Variants in LRTM3 observed in about 807,000 individuals in gnomAD.
LRTM3 encodes the protein leucine-rich repeat transmembrane protein 3.
At chr13:102,730,704 G>A in the LRTM3 span, 1 of 1,551,958 alleles carries the variant, frequency 6.4e-7, no homozygotes, top group Non-Finnish European at 8.7e-7. Flanking sequence ...TCAATGGAAA[G>A]ACTACCACTT....
the LRTM3 span, among the ~76,000 whole-genome samples, chr13:102,758,110 A>G: frequency 1.2e-4 from 18 of 152,308 alleles, no homozygotes; most frequent in Admixed American, 5.9e-4. Flanking sequence ...GTTGAAATAT[A>G]AGAACTGGTG....
the LRTM3 span, chr13:102,731,399 G>T: frequency 6.4e-7 from 1 of 1,551,360 alleles, no homozygotes; most frequent in Non-Finnish European, 8.7e-7. Flanking sequence ...TGCCATCTCT[G>T]GTATCAGATT....
At chr13:102,743,802 T>A in the LRTM3 span, 2 of 1,550,490 alleles carry the variant, frequency 1.3e-6, no homozygotes, top group Non-Finnish European at 1.7e-6. Flanking sequence ...TTTTCCTTCA[T>A]AGTTAAACAT....
the LRTM3 span, chr13:102,730,951 C>G: frequency 6.4e-7 from 1 of 1,551,372 alleles, no homozygotes; most frequent in South Asian, 1.2e-5. Flanking sequence ...ATAAGGGTTT[C>G]TTTCTCTCAT....
chr13:102,741,211 T>C, the LRTM3 span: 1 of 1,550,090 alleles, frequency 6.5e-7, no homozygotes. Flanking sequence ...TTGATTTTAA[T>C]GTAATATCCA....
At chr13:102,744,473 C>T in the LRTM3 span, 2 of 1,550,636 alleles carry the variant, frequency 1.3e-6, no homozygotes, top group African/African-American at 1.4e-5. Flanking sequence ...AGTCTTTAGA[C>T]CTTCCATACA....
the LRTM3 span, chr13:102,739,510 TG>T: frequency 6.4e-7 from 1 of 1,550,388 alleles, no homozygotes; most frequent in Admixed American, 2.0e-5. Context: ...GTGATAGAGA[TG>T]GTAAAGAAGT....
the LRTM3 span, chr13:102,740,306 GA>G: frequency 6.5e-7 from 1 of 1,550,194 alleles, no homozygotes; most frequent in Non-Finnish European, 8.7e-7. Context: ...CTGCCTTGGA[GA>G]AATCAAGGGC....
chr13:102,736,001 C>T, the LRTM3 span: 45 of 1,549,958 alleles, frequency 2.9e-5, no homozygotes, highest in Non-Finnish European at 3.9e-5. Context: ...CAAATGTATC[C>T]TTTTGGGGAG....
the LRTM3 span, chr13:102,731,740 T>C: frequency 9.0e-6 from 14 of 1,551,274 alleles, no homozygotes; most frequent in Non-Finnish European, 1.1e-5. Flanking sequence ...CTTGAGGCGG[T>C]ATGGGCACAG....
At chr13:102,744,243 T>C in the LRTM3 span, 2 of 1,550,408 alleles carry the variant, frequency 1.3e-6, no homozygotes, top group East Asian at 2.4e-5. Context: ...TTGGGACTCA[T>C]ACTTTTCTTG....
At chr13:102,745,449 T>G in the LRTM3 span, 1 of 1,551,012 alleles carries the variant, frequency 6.4e-7, no homozygotes, top group East Asian at 2.4e-5. Flanking sequence ...ACCCCCTTTT[T>G]GCCTTGATGC....
chr13:102,751,480 G>A, the LRTM3 span, among the ~76,000 whole-genome samples: 18 of 151,900 alleles, frequency 1.2e-4, no homozygotes, highest in Non-Finnish European at 1.6e-4. Flanking sequence ...TCCCAGCACT[G>A]TGGAATCTGA....
At chr13:102,750,471 C>A in the LRTM3 span, 1 of 810,560 alleles carries the variant, frequency 1.2e-6, no homozygotes, top group Non-Finnish European at 1.9e-6. Flanking sequence ...GAAAATGCAG[C>A]ATAGTATATG....
the LRTM3 span, chr13:102,744,771 C>A: frequency 6.4e-7 from 1 of 1,550,536 alleles, no homozygotes; most frequent in Non-Finnish European, 8.7e-7. Flanking sequence ...ATGTTCATTG[C>A]ATTACTAGAT....
At chr13:102,750,347 G>A in the LRTM3 span, 5 of 1,532,210 alleles carry the variant, frequency 3.3e-6, no homozygotes, top group Non-Finnish European at 3.5e-6. Context: ...TTCTTCAGAT[G>A]TAAGTGATGA....
the LRTM3 span, chr13:102,749,705 C>T: frequency 6.4e-7 from 1 of 1,551,390 alleles, no homozygotes; most frequent in Non-Finnish European, 8.7e-7. Context: ...CTCAGGCTGG[C>T]TCTTAATTGA....
the LRTM3 span, chr13:102,729,593 G>C: frequency 6.5e-7 from 1 of 1,538,198 alleles, no homozygotes; most frequent in South Asian, 1.2e-5. Context: ...AGGGGGAATA[G>C]TCCAGCGAAT....
At chr13:102,731,098 T>C in the LRTM3 span, 2 of 1,551,344 alleles carry the variant, frequency 1.3e-6, no homozygotes, top group Non-Finnish European at 1.7e-6. Context: ...TATGAGGCAA[T>C]AGCATCTCAC....
Sources: gnomAD v4.1 joint callset for allele counts (sites outside exome capture counted in the v4.1 genomes callset) on GRCh38, gnomAD v4.1.1 for gene constraint, MANE v1.5 for transcripts, NCBI Gene and HGNC (gene_info 2026-07-23, HGNC 2026-07-21) for gene names.